Variants in EXOC5 observed in about 807,000 individuals in gnomAD.
EXOC5 encodes the protein SEC10-like 1.
EXOC5 carries 17 observed loss-of-function variants against 90.8 expected under a neutral mutation model. The ratio of observed to expected loss-of-function variants is 0.19; its 90% CI spans 0.13 to 0.28. EXOC5 has a LOEUF of 0.28. Ranked by LOEUF, EXOC5 falls within the 10% of genes least tolerant of loss-of-function variation. The pLI is 1.00. For synonymous variants in EXOC5, 260 were observed against 270.0 expected (o/e 0.96, Z 0.36); for missense variants, 569 against 830.6 (o/e 0.69, Z 3.87).
At chr14:57,255,875 T>G (rs1884336274) in intron 1 of EXOC5, among the ~76,000 whole-genome samples, 1 of 148,970 alleles carries the variant, frequency 6.7e-6, no homozygotes. Flanking sequence ...TTCTCCAAGA[T>G]GCAGTATATA....
At chr14:57,253,374 G>A (rs542925906) in intron 1 of EXOC5, among the ~76,000 whole-genome samples, 4 of 152,174 alleles carry the variant, frequency 2.6e-5, no homozygotes, top group East Asian at 3.9e-4. Context: ...ATAATACTTC[G>A]AAAGAAATCA....
intron 12 of EXOC5, among the ~76,000 whole-genome samples, chr14:57,225,603 A>G (rs77355063): frequency 6.7e-6 from 1 of 148,326 alleles, no homozygotes; most frequent in Admixed American, 6.6e-5. Flanking sequence ...AAAAAAAAAA[A>G]GGCAAATAGA....
intron 1 of EXOC5, 148 bp downstream of exon 1, chr14:57,268,474 A>C (rs1884762023): frequency 2.1e-6 from 3 of 1,441,054 alleles, no homozygotes; most frequent in African/African-American, 1.5e-5. Flanking sequence ...CCGCGCTGAC[A>C]CGGAGCTGCC....
At chr14:57,249,355 TTATG>T (rs1259808663) in intron 1 of EXOC5, among the ~76,000 whole-genome samples, 1 of 152,182 alleles carries the variant, frequency 6.6e-6, no homozygotes, top group Non-Finnish European at 1.5e-5. Flanking sequence ...ATCTTAGTTC[TTATG>T]TGTTATTAAT....
At chr14:57,236,030 T>A (rs1204696955) in intron 6 of EXOC5, among the ~76,000 whole-genome samples, 2 of 152,176 alleles carry the variant, frequency 1.3e-5, no homozygotes, top group Non-Finnish European at 2.9e-5. Flanking sequence ...ACTTCCAAAC[T>A]GGCAAAATTA....
At chr14:57,229,964 T>C (rs930224608) in intron 11 of EXOC5, 83 bp from the exon 12 acceptor site, 7 of 774,272 alleles carry the variant, frequency 9.0e-6, no homozygotes, top group Non-Finnish European at 1.3e-5. Context: ...TTAGTATATA[T>C]CAACAACAAA....
At chr14:57,243,744 C>A in intron 4 of EXOC5, 1 of 154,942 alleles carries the variant, frequency 6.5e-6, no homozygotes, top group Non-Finnish European at 1.4e-5. Context: ...TAATAAAAAC[C>A]AGAAGTTCTG....
chr14:57,247,110 C>T (rs1047893599), intron 2 of EXOC5, among the ~76,000 whole-genome samples: 11 of 152,090 alleles, frequency 7.2e-5, no homozygotes, highest in Non-Finnish European at 1.6e-4. Flanking sequence ...GAAAATATAG[C>T]CAGGCTTTAA....
intron 13 of EXOC5, among the ~76,000 whole-genome samples, chr14:57,221,016 C>T (rs781344221): frequency 3.3e-5 from 5 of 151,964 alleles, no homozygotes; most frequent in Non-Finnish European, 7.4e-5. Context: ...CAGACATTAA[C>T]AGATAAAAAT....
In EXOC5 at chr14:57,253,509, G is replaced by C. The variant is rs185770640; in HGVS notation, c.28-5797C>G. ...ACTCAATCCTTGTGAATATCCCAAT[G>C]ACTTTGTTTTATTCAAAAATAGACA... On this transcript the variant is annotated intron_variant, in intron 1 of 17. Transcript: ENST00000621441. Among the ~76,000 whole-genome samples the C allele has an allele frequency of 9.2e-5, 14 of 152,254 alleles. No homozygotes were observed. In the East Asian group the frequency reaches 2.3e-3, roughly 25 times the overall value.
At chr14:57,224,904 A>C (rs1312506504) in intron 12 of EXOC5, among the ~76,000 whole-genome samples, 2 of 152,168 alleles carry the variant, frequency 1.3e-5, no homozygotes, top group East Asian at 1.9e-4. Context: ...TCTACTAAAA[A>C]TACAAAACTC....
rs189820661 is a variant in EXOC5 at position 57,257,639 on chromosome 14, T to C, written c.28-9927A>G. Among the ~76,000 whole-genome samples, 145 of 152,126 alleles carry C rather than the reference T, an allele frequency of 9.5e-4. 1 individual carries two copies. The highest frequency in any genetic ancestry group is 3.3e-3 in the African/African-American group (138 of 41,520). ...ACAAGGGTTTACGAGAAGTCAGCAA[T>C]TGATCCCCAAGGGATGGAAGTTCCA... On this transcript the variant is annotated intron_variant, in intron 1 of 17. Transcript: ENST00000621441.
At chr14:57,222,491 AT>A in intron 12 of EXOC5, 75 bp from the exon 13 acceptor site, 1 of 737,126 alleles carries the variant, frequency 1.4e-6, no homozygotes, top group Non-Finnish European at 2.3e-6. Context: ...TAAGCAATCA[AT>A]TTTTTATAGG....
intron 1 of EXOC5, among the ~76,000 whole-genome samples, chr14:57,256,190 T>A (rs1053239758): frequency 2.0e-5 from 3 of 152,084 alleles, no homozygotes; most frequent in African/African-American, 7.2e-5. Flanking sequence ...TCAACCATAA[T>A]GATCAGGATG....
At chr14:57,261,898 A>G (rs1884513237) in intron 1 of EXOC5, among the ~76,000 whole-genome samples, 1 of 152,202 alleles carries the variant, frequency 6.6e-6, no homozygotes, top group African/African-American at 2.4e-5. Flanking sequence ...CATCACTTCT[A>G]TAGTCATAGG....
intron 1 of EXOC5, among the ~76,000 whole-genome samples, chr14:57,261,899 T>C (rs996670785): frequency 6.6e-6 from 1 of 152,182 alleles, no homozygotes; most frequent in African/African-American, 2.4e-5. Flanking sequence ...ATCACTTCTA[T>C]AGTCATAGGC....
chr14:57,253,086 GATCTC>G (rs2139661117), intron 1 of EXOC5, among the ~76,000 whole-genome samples: 1 of 152,220 alleles, frequency 6.6e-6, no homozygotes, highest in South Asian at 2.1e-4. Context: ...TTAAAAATTT[GATCTC>G]ATAGAAGTAA....
chr14:57,211,116 G>T (rs1882813497), intron 15 of EXOC5, among the ~76,000 whole-genome samples: 1 of 152,088 alleles, frequency 6.6e-6, no homozygotes, highest in Non-Finnish European at 1.5e-5. Flanking sequence ...ATGACTTATT[G>T]TTCTGTTATG....
At chr14:57,243,504 T>C (rs986817956) in intron 4 of EXOC5, 2 of 152,220 alleles carry the variant, frequency 1.3e-5, no homozygotes, top group Non-Finnish European at 2.9e-5. Context: ...ACAAGATCCA[T>C]AAGAATGTCC....
Sources: allele counts gnomAD v4.1 joint callset (sites outside exome capture counted in the v4.1 genomes callset), GRCh38; gene constraint gnomAD v4.1.1; transcripts MANE v1.5; gene names NCBI Gene and HGNC (gene_info 2026-07-23, HGNC 2026-07-21).